The following NRG3 variants were observed in gnomAD, a reference collection of about 807,000 sequenced individuals.
NRG3 encodes neuregulin 3.
A neutral mutation model predicts 66.9 loss-of-function variants in NRG3; 31 were observed. The observed-to-expected ratio is 0.46, with a 90% CI of 0.35 to 0.63. NRG3 has a LOEUF of 0.63. Among genes scored for constraint, NRG3 ranks in the 20% least tolerant of loss-of-function variants. NRG3 has a pLI of 0.00. For synonymous variants in NRG3, 393 were observed against 359.4 expected (o/e 1.09, Z -1.06); for missense variants, 910 against 878.9 (o/e 1.04, Z -0.45).
chr10:82,129,341 G>A (rs2068664097), intron 1 of NRG3, among the ~76,000 whole-genome samples: 3 of 152,016 alleles, frequency 2.0e-5, no homozygotes, highest in Admixed American at 2.0e-4. Flanking sequence ...TTACATGCAT[G>A]GTTAGTTTAA....
chr10:82,960,927 G>A lies in NRG3; in HGVS notation c.1284+1852G>A, dbSNP rs142627670. Reference sequence around the variant, plus strand: ...CTAACTCTCTTTTTGGACTCAGACCGCCTGCACCCAGGTGAAATAAACAGC... The same window carrying A: ...CTAACTCTCTTTTTGGACTCAGACCACCTGCACCCAGGTGAAATAAACAGC... On this transcript the variant is annotated intron_variant, in intron 6 of 8. Coordinates refer to ENST00000372141, the MANE Select transcript of NRG3 (RefSeq NM_001010848.4). Among the ~76,000 whole-genome samples, 444 of 152,110 alleles carry A rather than the reference G, an allele frequency of 2.9e-3. 3 individuals are homozygous for A. The highest frequency in any genetic ancestry group is 4.9e-3 in the East Asian group (25 of 5,154).
chr10:82,185,261 C>G (rs1564641588), intron 1 of NRG3, among the ~76,000 whole-genome samples: 1 of 152,080 alleles, frequency 6.6e-6, no homozygotes, highest in Non-Finnish European at 1.5e-5. Flanking sequence ...TGCTAGGAAG[C>G]TGCAAATGAA....
At chr10:82,768,573 T>C (rs2059603379) in intron 3 of NRG3, among the ~76,000 whole-genome samples, 1 of 152,162 alleles carries the variant, frequency 6.6e-6, no homozygotes. Context: ...CAAGTAATTG[T>C]AGAGATTTTC....
intron 2 of NRG3, among the ~76,000 whole-genome samples, chr10:82,430,936 T>G (rs1416991127): frequency 6.6e-6 from 1 of 152,190 alleles, no homozygotes; most frequent in Admixed American, 6.5e-5. Flanking sequence ...CAACAGTCAG[T>G]GTGAGATGTT....
intron 2 of NRG3, among the ~76,000 whole-genome samples, chr10:82,365,639 C>A (rs189657819): frequency 3.9e-5 from 6 of 152,064 alleles, no homozygotes; most frequent in Non-Finnish European, 7.4e-5. Context: ...TCTTCTAATT[C>A]GACCTCTTTG....
chr10:82,193,304 G>A (rs1270277831), intron 1 of NRG3, among the ~76,000 whole-genome samples: 2 of 151,948 alleles, frequency 1.3e-5, no homozygotes, highest in African/African-American at 2.4e-5. Flanking sequence ...CACCATGCCC[G>A]GCTAATTTGG....
At chr10:82,849,680 A>G (rs2063474883) in intron 3 of NRG3, among the ~76,000 whole-genome samples, 1 of 152,216 alleles carries the variant, frequency 6.6e-6, no homozygotes, top group Admixed American at 6.5e-5. Context: ...CATTATAGGC[A>G]GATGCAGCAG....
chr10:82,236,741 A>G (rs2076772604), intron 1 of NRG3, among the ~76,000 whole-genome samples: 1 of 119,008 alleles, frequency 8.4e-6, no homozygotes, highest in Non-Finnish European at 1.6e-5. Flanking sequence ...TTTGAGACAG[A>G]GTCTCGCTCT....
At chr10:82,202,903 A>G (rs1389394383) in intron 1 of NRG3, among the ~76,000 whole-genome samples, 1 of 152,198 alleles carries the variant, frequency 6.6e-6, no homozygotes, top group South Asian at 2.1e-4. Flanking sequence ...TCAGTTCTTA[A>G]AAGTCCCTTA....
At chr10:82,685,978 C>A (rs2054480010) in intron 2 of NRG3, among the ~76,000 whole-genome samples, 2 of 152,100 alleles carry the variant, frequency 1.3e-5, no homozygotes, top group Non-Finnish European at 1.5e-5. Context: ...AATGCCTTCT[C>A]ATGGAATGCT....
At chr10:82,263,446 A>T (rs1469798281) in intron 1 of NRG3, among the ~76,000 whole-genome samples, 1 of 152,186 alleles carries the variant, frequency 6.6e-6, no homozygotes, top group African/African-American at 2.4e-5. Context: ...CTAAGATTAT[A>T]GCCTTTAGCT....
chr10:82,802,519 T>C (rs1159101107), intron 3 of NRG3, among the ~76,000 whole-genome samples: 7 of 152,214 alleles, frequency 4.6e-5, no homozygotes, highest in Non-Finnish European at 1.0e-4. Context: ...TATCAGTTTA[T>C]GATATTTACT....
chr10:82,925,887 C>G (rs1591981773), intron 4 of NRG3, among the ~76,000 whole-genome samples: 1 of 152,288 alleles, frequency 6.6e-6, no homozygotes, highest in South Asian at 2.1e-4. Flanking sequence ...TGCAGCCTGC[C>G]CAGGCTAATG....
chr10:82,186,400 C>G (rs373863419), intron 1 of NRG3, among the ~76,000 whole-genome samples: 1 of 152,152 alleles, frequency 6.6e-6, no homozygotes. Flanking sequence ...AACTCAGCAG[C>G]CATGAGCAAG....
chr10:81,978,295 G>C (rs550979860), intron 1 of NRG3, among the ~76,000 whole-genome samples: 3 of 152,234 alleles, frequency 2.0e-5, no homozygotes, highest in Admixed American at 2.0e-4. Context: ...GAAGGAACTA[G>C]TTAATTATCC....
At chr10:82,827,239 A>G (rs1564541028) in intron 3 of NRG3, 2 of 360,178 alleles carry the variant, frequency 5.6e-6, no homozygotes, top group South Asian at 4.2e-5. Flanking sequence ...AAAATCATGT[A>G]ACGTAGATTA....
intron 2 of NRG3, among the ~76,000 whole-genome samples, chr10:82,674,604 T>G (rs1422310251): frequency 4.6e-5 from 7 of 152,140 alleles, no homozygotes; most frequent in African/African-American, 1.7e-4. Flanking sequence ...CTATCAGTCA[T>G]TTGAATCTAC....
intron 8 of NRG3, among the ~76,000 whole-genome samples, chr10:82,979,747 G>A (rs989585921): frequency 3.3e-5 from 5 of 152,162 alleles, no homozygotes; most frequent in Non-Finnish European, 7.3e-5. Context: ...GCTGAGTACA[G>A]GATGAATGTT....
intron 3 of NRG3, among the ~76,000 whole-genome samples, chr10:82,856,167 T>C (rs775302063): frequency 6.6e-6 from 1 of 152,164 alleles, no homozygotes; most frequent in Non-Finnish European, 1.5e-5. Flanking sequence ...CTGAAAGACA[T>C]ATAGATGTCA....
Sources: allele counts gnomAD v4.1 joint callset (sites outside exome capture counted in the v4.1 genomes callset), GRCh38; gene constraint gnomAD v4.1.1; transcripts MANE v1.5; gene names NCBI Gene and HGNC (gene_info 2026-07-23, HGNC 2026-07-21).